CNTNAP5: variants seen among roughly 807,000 people sequenced by gnomAD.
The protein encoded by CNTNAP5 is contactin associated protein family member 5.
Under a neutral mutation model 150.2 loss-of-function variants are expected in CNTNAP5, and 72 were observed. That is an observed-to-expected ratio of 0.48 (90% CI 0.40 to 0.58). CNTNAP5 has a LOEUF of 0.58. CNTNAP5 is among the 20% of genes least tolerant of loss of function. The probability of loss-of-function intolerance (pLI) is 0.00; values close to 1 mark genes in which losing one functional copy is unlikely to be tolerated. For synonymous variants in CNTNAP5, 672 were observed against 619.8 expected (o/e 1.08, Z -1.25); for missense variants, 1,636 against 1,626.2 (o/e 1.01, Z -0.10).
chr2:124,191,020 GC>G (rs1487500533), intron 1 of CNTNAP5, among the ~76,000 whole-genome samples: 1 of 152,078 alleles, frequency 6.6e-6, no homozygotes, highest in African/African-American at 2.4e-5. Flanking sequence ...TAGAAGCCTG[GC>G]TTTTTTTGAG....
intron 6 of CNTNAP5, among the ~76,000 whole-genome samples, chr2:124,456,095 C>T (rs1290732684): frequency 1.3e-5 from 2 of 152,106 alleles, no homozygotes; most frequent in Non-Finnish European, 2.9e-5. Flanking sequence ...AAATAAAGTG[C>T]ATCCAAAACA....
At position 124,674,551 on chromosome 2, in the gene CNTNAP5, C is replaced by CT. The variant is rs1186788318; in HGVS notation, c.2077+26595dup. On this transcript the variant is annotated intron_variant, in intron 13 of 23. Coordinates refer to ENST00000682447, the MANE Select transcript of CNTNAP5 (RefSeq NM_001367498.1). ...TCTTTCTTTCTTTCTTTCTTTCTTT[C>CT]TTCCTTTCTTCCTTTCTTTCTTTCT... 6.2e-5 allele frequency among the ~76,000 whole-genome samples: 8 copies of CT among 128,386 alleles called. No individual in the cohort carries two copies. In the East Asian group the frequency reaches 1.3e-3, roughly 20 times the overall value. 84.2% of individuals were successfully genotyped at this position (128,386 alleles called of 152,430 possible).
At chr2:124,510,069 C>T (rs987137013) in intron 8 of CNTNAP5, among the ~76,000 whole-genome samples, 20 of 151,580 alleles carry the variant, frequency 1.3e-4, no homozygotes, top group African/African-American at 1.9e-4. Context: ...AGTGTGGTGG[C>T]GCATGCCTGT....
At position 124,810,886 on chromosome 2, in the gene CNTNAP5, C is replaced by T. The variant is rs1197662809; in HGVS notation, c.3217+12566C>T. Among the ~76,000 whole-genome samples, 8 of 151,988 alleles carry T rather than the reference C, an allele frequency of 5.3e-5. 1 individual carries two copies. In the South Asian group the frequency reaches 1.0e-3, roughly 20 times the overall value. On this transcript the variant is annotated intron_variant, in intron 19 of 23. Transcript: ENST00000682447. The stretch of plus-strand genomic sequence containing the variant: ...ATGCAGTGAGTGGGAGTGAGGGATG[C>T]GGCAAAACATCTGTAAAACCAGGAT...
chr2:124,060,835 A>T (rs1395969550), intron 1 of CNTNAP5, among the ~76,000 whole-genome samples: 1 of 152,214 alleles, frequency 6.6e-6, no homozygotes, highest in African/African-American at 2.4e-5. Flanking sequence ...CTTTGACCTC[A>T]TTCAAATTAG....
intron 1 of CNTNAP5, among the ~76,000 whole-genome samples, chr2:124,126,049 G>A (rs1295306330): frequency 7.9e-5 from 12 of 152,086 alleles, no homozygotes; most frequent in Admixed American, 7.9e-4. Flanking sequence ...CAGAAGGCAA[G>A]AAATAACTAA....
intron 14 of CNTNAP5, among the ~76,000 whole-genome samples, chr2:124,760,326 A>G (rs1017210173): frequency 6.6e-6 from 1 of 152,036 alleles, no homozygotes; most frequent in African/African-American, 2.4e-5. Context: ...GGGGAAAAAA[A>G]CCCACTGTAA....
At chr2:124,147,643 C>T (rs1307164369) in intron 1 of CNTNAP5, among the ~76,000 whole-genome samples, 2 of 152,236 alleles carry the variant, frequency 1.3e-5, no homozygotes, top group East Asian at 1.9e-4. Flanking sequence ...TCTGACAGCG[C>T]TACAGCTCTG....
intron 1 of CNTNAP5, among the ~76,000 whole-genome samples, chr2:124,198,955 C>T (rs1685654609): frequency 1.3e-5 from 2 of 151,720 alleles, no homozygotes; most frequent in South Asian, 4.2e-4. Context: ...ACCAAATTGC[C>T]ATATATCCTG....
intron 8 of CNTNAP5, among the ~76,000 whole-genome samples, chr2:124,523,661 A>G (rs1238118111): frequency 6.6e-6 from 1 of 152,168 alleles, no homozygotes; most frequent in African/African-American, 2.4e-5. Flanking sequence ...TCCCTTTAAC[A>G]ATAATAAGGA....
At chr2:124,050,870 A>T (rs1288968186) in intron 1 of CNTNAP5, among the ~76,000 whole-genome samples, 2 of 152,356 alleles carry the variant, frequency 1.3e-5, no homozygotes, top group East Asian at 3.9e-4. Context: ...CAAAATTTAT[A>T]GTAGGGACCA....
intron 14 of CNTNAP5, among the ~76,000 whole-genome samples, chr2:124,752,229 T>C (rs566872773): frequency 6.6e-6 from 1 of 152,234 alleles, no homozygotes; most frequent in East Asian, 1.9e-4. Context: ...TTTTGTTTTA[T>C]TATTTTTTTG....
In CNTNAP5 at chr2:124,408,523, G is replaced by A. The variant is rs555169460; in HGVS notation, c.382-8920G>A. 8.0e-4 allele frequency among the ~76,000 whole-genome samples: 122 copies of A among 151,984 alleles called. 1 individual carries two copies. Among genetic ancestry groups the A allele is most frequent in the African/African-American group, 2.6e-3 (109 of 41,508 alleles). ...AAGAGAGCAGTGGTTCTCCCAGCAC[G>A]CAGCTGGAGATCTGAGAACGGGCAG... On this transcript the variant is annotated intron_variant, in intron 3 of 23. Transcript: ENST00000682447.
chr2:124,589,189 A>G (rs1504018), intron 11 of CNTNAP5, among the ~76,000 whole-genome samples: 43,628 of 151,618 alleles, frequency 0.29, 6,592 homozygotes, highest in African/African-American at 0.34. Flanking sequence ...GTCATTCCTC[A>G]TCTCCCCTCC....
intron 11 of CNTNAP5, among the ~76,000 whole-genome samples, chr2:124,605,646 C>T (rs796787891): frequency 6.6e-6 from 1 of 151,584 alleles, no homozygotes; most frequent in African/African-American, 2.4e-5. Context: ...GAAACCCTGT[C>T]TCTACTAAAA....
chr2:124,502,870 G>A (rs1694308856), intron 7 of CNTNAP5, among the ~76,000 whole-genome samples: 2 of 152,194 alleles, frequency 1.3e-5, no homozygotes, highest in Admixed American at 6.5e-5. Flanking sequence ...ACAAACATGG[G>A]TTTGTCTCCC....
chr2:124,453,927 G>T (rs1374146514), intron 6 of CNTNAP5, among the ~76,000 whole-genome samples: 1 of 151,910 alleles, frequency 6.6e-6, no homozygotes, highest in Non-Finnish European at 1.5e-5. Context: ...AAAAAAAAGA[G>T]CCTCTTTAAA....
intron 13 of CNTNAP5, among the ~76,000 whole-genome samples, chr2:124,699,052 T>A (rs1167863464): frequency 6.6e-6 from 1 of 152,160 alleles, no homozygotes. Flanking sequence ...TAATATTTAA[T>A]TTTATGTAAT....
chr2:124,177,090 C>A (rs1003780865), intron 1 of CNTNAP5, among the ~76,000 whole-genome samples: 3 of 152,002 alleles, frequency 2.0e-5, no homozygotes, highest in Non-Finnish European at 2.9e-5. Context: ...TCAGGTGATC[C>A]GCTCGCCTTG....
Sources: gnomAD v4.1 joint callset for allele counts (sites outside exome capture counted in the v4.1 genomes callset) on GRCh38, gnomAD v4.1.1 for gene constraint, MANE v1.5 for transcripts, NCBI Gene and HGNC (gene_info 2026-07-23, HGNC 2026-07-21) for gene names.